GRAMD2B: variants seen among roughly 807,000 people sequenced by gnomAD.
GRAMD2B encodes the protein GRAM domain containing 2B.
Under a neutral mutation model 59.2 loss-of-function variants are expected in GRAMD2B, and 41 were observed. The ratio of observed to expected loss-of-function variants is 0.69; its 90% CI spans 0.54 to 0.90. The LOEUF (loss-of-function observed/expected upper bound fraction) is 0.90, where lower values mean the gene tolerates loss of function less well. Ranked by LOEUF, GRAMD2B falls within the 40% of genes least tolerant of loss-of-function variation. GRAMD2B has a pLI of 0.00. For missense variants in GRAMD2B, 424 were observed against 500.5 expected (o/e 0.85, Z 1.46); for synonymous variants, 161 against 182.7 (o/e 0.88, Z 0.96).
At chr5:126,447,083 C>T (rs549668394) in intron 1 of GRAMD2B, among the ~76,000 whole-genome samples, 1 of 152,270 alleles carries the variant, frequency 6.6e-6, no homozygotes, top group South Asian at 2.1e-4. Context: ...AAAGCTCCCT[C>T]GATGGAAATG....
intron 1 of GRAMD2B, among the ~76,000 whole-genome samples, chr5:126,447,296 C>G (rs1463790802): frequency 6.6e-6 from 1 of 152,164 alleles, no homozygotes; most frequent in Non-Finnish European, 1.5e-5. Flanking sequence ...CCCAGGAATT[C>G]CAAGTGAAGT....
intron 1 of GRAMD2B, among the ~76,000 whole-genome samples, chr5:126,428,148 G>A (rs1195402417): frequency 6.6e-6 from 1 of 152,078 alleles, no homozygotes; most frequent in Non-Finnish European, 1.5e-5. Flanking sequence ...TGAGAGACCT[G>A]GGAGGCAGAG....
upstream of GRAMD2B, among the ~76,000 whole-genome samples, chr5:126,370,740 A>G (rs1754705740): frequency 6.6e-6 from 1 of 152,216 alleles, no homozygotes; most frequent in Non-Finnish European, 1.5e-5. Context: ...CAAGAGACAC[A>G]TTCGAACTCT....
intron 1 of GRAMD2B, among the ~76,000 whole-genome samples, chr5:126,372,616 A>T (rs1754858017): frequency 6.6e-6 from 1 of 152,192 alleles, no homozygotes; most frequent in South Asian, 2.1e-4. Context: ...GTTTTGTAAT[A>T]TATCTATTTT....
intron 1 of GRAMD2B, among the ~76,000 whole-genome samples, chr5:126,400,398 A>G (rs556861150): frequency 1.3e-5 from 2 of 152,220 alleles, no homozygotes; most frequent in East Asian, 3.9e-4. Context: ...ATATCTATTA[A>G]TATCATGTAT....
At chr5:126,421,454 G>A (rs1660222018), upstream of GRAMD2B, among the ~76,000 whole-genome samples, 2 of 152,086 alleles carry the variant, frequency 1.3e-5, no homozygotes, top group African/African-American at 4.8e-5. Context: ...ATGTCCCCAG[G>A]AAGAGGCAAC....
At chr5:126,437,123 T>C (rs1402385900) in intron 1 of GRAMD2B, among the ~76,000 whole-genome samples, 1 of 152,214 alleles carries the variant, frequency 6.6e-6, no homozygotes, top group Non-Finnish European at 1.5e-5. Flanking sequence ...AGGGATGTGA[T>C]ATAGCCAGGT....
chr5:126,486,565 A>G (rs977050612), intron 11 of GRAMD2B, among the ~76,000 whole-genome samples: 3 of 152,164 alleles, frequency 2.0e-5, no homozygotes, highest in Non-Finnish European at 2.9e-5. Context: ...CTGGCAGAGG[A>G]CGGTAGTACC....
chr5:126,446,951 T>G (rs763441819), intron 1 of GRAMD2B, among the ~76,000 whole-genome samples: 22 of 152,120 alleles, frequency 1.4e-4, no homozygotes, highest in Non-Finnish European at 2.6e-4. Flanking sequence ...CCCTTTACAC[T>G]CTAGCAAAGT....
chr5:126,364,739 G>A (rs1418695692), intron 1 of GRAMD2B, among the ~76,000 whole-genome samples: 1 of 152,180 alleles, frequency 6.6e-6, no homozygotes, highest in Non-Finnish European at 1.5e-5. Context: ...GTTCCTATTG[G>A]CTCTAAAACC....
chr5:126,408,435 CAATGAT>C (rs1173734685), intron 1 of GRAMD2B, among the ~76,000 whole-genome samples: 1 of 151,402 alleles, frequency 6.6e-6, no homozygotes, highest in Non-Finnish European at 1.5e-5. Flanking sequence ...CTTTTTGGTA[CAATGAT>C]TAATTTTCTT....
chr5:126,423,157 G>C (rs765727731), upstream of GRAMD2B: 1 of 997,830 alleles, frequency 1.0e-6, no homozygotes, highest in Admixed American at 6.2e-5. Flanking sequence ...TCTAGAGCCG[G>C]CTGCCCTCTA....
chr5:126,391,319 C>CA (rs61181985), intron 1 of GRAMD2B, among the ~76,000 whole-genome samples: 1,409 of 76,318 alleles, frequency 0.018, 127 homozygotes, highest in African/African-American at 0.062. Context: ...GACTCCATCT[C>CA]AAAAAAAAAA....
intron 1 of GRAMD2B, among the ~76,000 whole-genome samples, chr5:126,454,369 G>A (rs963144141): frequency 5.9e-5 from 9 of 152,128 alleles, no homozygotes; most frequent in African/African-American, 2.2e-4. Flanking sequence ...CGTTCCAAGG[G>A]TGGAAGGGAA....
At chr5:126,456,514 C>T (rs1004678184) in intron 1 of GRAMD2B, among the ~76,000 whole-genome samples, 3 of 152,106 alleles carry the variant, frequency 2.0e-5, no homozygotes. Context: ...CCCAGCCTAC[C>T]ACTTCTAACT....
At chr5:126,385,167 T>C (rs1756012509) in intron 1 of GRAMD2B, among the ~76,000 whole-genome samples, 1 of 152,168 alleles carries the variant, frequency 6.6e-6, no homozygotes, top group East Asian at 1.9e-4. Context: ...AAGTCACTAA[T>C]ATGCTCAATA....
At chr5:126,471,260 G>A (rs1013972048) in intron 3 of GRAMD2B, among the ~76,000 whole-genome samples, 19 of 152,120 alleles carry the variant, frequency 1.2e-4, no homozygotes, top group Admixed American at 1.2e-3. Context: ...TGTGGAGGGA[G>A]GATCGAGTTC....
chr5:126,418,615 A>C (rs1374735074), upstream of GRAMD2B, among the ~76,000 whole-genome samples: 2 of 152,244 alleles, frequency 1.3e-5, no homozygotes, highest in Non-Finnish European at 2.9e-5. Context: ...TCTTATTTTC[A>C]AAGTCCTCCA....
chr5:126,371,415 C>A (rs1200653588), exon 1 of GRAMD2B: 2 of 1,272,274 alleles, frequency 1.6e-6, no homozygotes, highest in East Asian at 1.1e-4. Flanking sequence ...TAAGGTTGTT[C>A]CTTGACTTGC....
Sources: allele counts gnomAD v4.1 joint callset (sites outside exome capture counted in the v4.1 genomes callset), GRCh38; gene constraint gnomAD v4.1.1; transcripts MANE v1.5; gene names NCBI Gene and HGNC (gene_info 2026-07-23, HGNC 2026-07-21).